GATAD2B: variants seen among roughly 807,000 people sequenced by gnomAD.
GATAD2B encodes the protein GATA zinc finger domain containing 2B, also known as transcriptional repressor p66-beta.
Under a neutral mutation model 64.3 loss-of-function variants are expected in GATAD2B, and 8 were observed. That is an observed-to-expected ratio of 0.12 (90% CI 0.07 to 0.22). The LOEUF (loss-of-function observed/expected upper bound fraction) is 0.22, where lower values mean the gene tolerates loss of function less well. Among genes scored for constraint, GATAD2B ranks in the 10% least tolerant of loss-of-function variants. The pLI, the probability that GATAD2B is intolerant of heterozygous loss-of-function variation, is 1.00. For missense variants in GATAD2B, 453 were observed against 752.0 expected, an observed-to-expected ratio of 0.60 and a Z score of 4.65; for synonymous variants, 281 against 271.3, an observed-to-expected ratio of 1.04 and a Z score of -0.35.
chr1:153,867,874 A>G (rs1676532156), intron 1 of GATAD2B, among the ~76,000 whole-genome samples: 1 of 151,424 alleles, frequency 6.6e-6, no homozygotes, highest in Non-Finnish European at 1.5e-5. Context: ...AACAACAAAA[A>G]AAAGAGTCAC....
At chr1:153,824,587 G>A (rs541844689) in intron 2 of GATAD2B, among the ~76,000 whole-genome samples, 34 of 146,588 alleles carry the variant, frequency 2.3e-4, no homozygotes, top group Admixed American at 4.1e-4. Flanking sequence ...ACTCCAGCCT[G>A]GGCAACAGAG....
chr1:153,833,757 C>A (rs2101895952), intron 1 of GATAD2B, among the ~76,000 whole-genome samples: 1 of 144,492 alleles, frequency 6.9e-6, no homozygotes, highest in Middle Eastern at 3.6e-3. Flanking sequence ...TGGCAGTGAG[C>A]CAAGATCATG....
intron 1 of GATAD2B, among the ~76,000 whole-genome samples, chr1:153,862,434 T>A (rs1273171475): frequency 6.6e-6 from 1 of 151,974 alleles, no homozygotes; most frequent in African/African-American, 2.4e-5. Flanking sequence ...TTACATACAT[T>A]ATATCTTATG....
At chr1:153,818,004 C>G in intron 5 of GATAD2B, 36 bp downstream of exon 5, 2 of 1,540,642 alleles carry the variant, frequency 1.3e-6, no homozygotes, top group Non-Finnish European at 1.8e-6. Context: ...TTAGACACGG[C>G]CCTCCAACAC....
chr1:153,867,398 G>A (rs1035382920), intron 1 of GATAD2B, among the ~76,000 whole-genome samples: 5 of 152,098 alleles, frequency 3.3e-5, no homozygotes, highest in African/African-American at 1.2e-4. Flanking sequence ...GAAGACACCC[G>A]CTTGGGAGGC....
At chr1:153,840,975 G>C (rs996970753) in intron 1 of GATAD2B, among the ~76,000 whole-genome samples, 5 of 151,696 alleles carry the variant, frequency 3.3e-5, no homozygotes, top group African/African-American at 9.7e-5. Context: ...AATAGAAAAA[G>C]TTAGCCGGGC....
chr1:153,852,742 T>A (rs1675947116), intron 1 of GATAD2B: 2 of 920,662 alleles, frequency 2.2e-6, no homozygotes, highest in Admixed American at 1.7e-5. Flanking sequence ...AGACAGGGAG[T>A]GAAGCTTGGT....
At chr1:153,861,987 A>C (rs972635128) in intron 1 of GATAD2B, among the ~76,000 whole-genome samples, 1 of 150,696 alleles carries the variant, frequency 6.6e-6, no homozygotes, top group East Asian at 1.9e-4. Context: ...GCTAATATAC[A>C]TGTGAATAAT....
chr1:153,900,746 TTGTGA>T (rs1329896811), intron 1 of GATAD2B, among the ~76,000 whole-genome samples: 3 of 152,166 alleles, frequency 2.0e-5, no homozygotes, highest in Non-Finnish European at 4.4e-5. Flanking sequence ...AACATCTTTG[TTGTGA>T]CTAGTAACTC....
chr1:153,893,290 G>A (rs1200531173), intron 1 of GATAD2B, among the ~76,000 whole-genome samples: 3 of 152,080 alleles, frequency 2.0e-5, no homozygotes, highest in Non-Finnish European at 4.4e-5. Flanking sequence ...CATTTTACAG[G>A]GCAGTAAATG....
intron 1 of GATAD2B, among the ~76,000 whole-genome samples, chr1:153,909,556 C>G (rs1032391195): frequency 2.1e-4 from 32 of 151,750 alleles, no homozygotes; most frequent in African/African-American, 7.7e-4. Context: ...AATCACAGCA[C>G]TTTGGGAAGC....
chr1:153,865,424 G>A (rs1187150877), intron 1 of GATAD2B, among the ~76,000 whole-genome samples: 1 of 152,132 alleles, frequency 6.6e-6, no homozygotes, highest in African/African-American at 2.4e-5. Flanking sequence ...TCGTGCCACT[G>A]CACTCCAGCC....
At chr1:153,886,840 T>C (rs945681149) in intron 1 of GATAD2B, among the ~76,000 whole-genome samples, 2 of 152,096 alleles carry the variant, frequency 1.3e-5, no homozygotes, top group African/African-American at 4.8e-5. Context: ...ATTACAGGCA[T>C]GAGCCACTGC....
At chr1:153,885,437 AGG>A (rs1267342383) in intron 1 of GATAD2B, among the ~76,000 whole-genome samples, 2 of 152,208 alleles carry the variant, frequency 1.3e-5, no homozygotes, top group African/African-American at 4.8e-5. Context: ...ATTTTAAAAA[AGG>A]GGCTGGGCAT....
At chr1:153,890,206 G>A (rs956558686) in intron 1 of GATAD2B, among the ~76,000 whole-genome samples, 1 of 148,680 alleles carries the variant, frequency 6.7e-6, no homozygotes, top group Admixed American at 6.8e-5. Flanking sequence ...AGAAAGATAA[G>A]AGGCCTGGTG....
chr1:153,846,774 T>C lies in GATAD2B; in HGVS notation c.-1-18426A>G, dbSNP rs368684929. ...CGGGGTTTCACCAGGTTGGCCAGGCTGGTCTCGAACTTCTGACCTCGTGAT... is the reference window on the plus strand; with the variant it reads ...CGGGGTTTCACCAGGTTGGCCAGGCCGGTCTCGAACTTCTGACCTCGTGAT... On this transcript the variant is annotated intron_variant, in intron 1 of 10. Coordinates refer to ENST00000368655, the MANE Select transcript of GATAD2B (RefSeq NM_020699.4). Among the ~76,000 whole-genome samples the C allele has an allele frequency of 6.0e-4, 92 of 152,158 alleles. 1 individual carries two copies. In the South Asian group the frequency reaches 0.018, roughly 30 times the overall value.
chr1:153,906,604 T>C (rs183863359), intron 1 of GATAD2B, among the ~76,000 whole-genome samples: 1 of 152,198 alleles, frequency 6.6e-6, no homozygotes, highest in Non-Finnish European at 1.5e-5. Context: ...TTGACAATGA[T>C]TTATTAGACA....
chr1:153,819,851 C>G (rs1204273857), intron 2 of GATAD2B, 116 bp from the exon 3 acceptor site: 2 of 806,818 alleles, frequency 2.5e-6, no homozygotes. Flanking sequence ...GTAATCCTAG[C>G]ACTTTGGGAG....
intron 1 of GATAD2B, among the ~76,000 whole-genome samples, chr1:153,876,288 G>A (rs372986785): frequency 4.9e-5 from 7 of 144,048 alleles, no homozygotes; most frequent in Non-Finnish European, 6.0e-5. Flanking sequence ...ATGGCTGGGC[G>A]TGGTTAAAAC....
Sources: gnomAD v4.1 joint callset for allele counts (sites outside exome capture counted in the v4.1 genomes callset) on GRCh38, gnomAD v4.1.1 for gene constraint, MANE v1.5 for transcripts, NCBI Gene and HGNC (gene_info 2026-07-23, HGNC 2026-07-21) for gene names.